KAT6A: variants seen among roughly 807,000 people sequenced by gnomAD.
KAT6A encodes histone acetyltransferase KAT6A.
A neutral mutation model predicts 198.4 loss-of-function variants in KAT6A; 9 were observed. The ratio of observed to expected loss-of-function variants is 0.05; its 90% CI spans 0.03 to 0.08. The LOEUF is 0.08. Among genes scored for constraint, KAT6A ranks in the 10% least tolerant of loss-of-function variants. The pLI, the probability that KAT6A is intolerant of heterozygous loss-of-function variation, is 1.00. For missense variants in KAT6A, 2,077 were observed against 2,509.9 expected (o/e 0.83, Z 3.69); for synonymous variants, 890 against 883.0 (o/e 1.01, Z -0.14).
At chr8:42,010,492 G>A (rs930219899) in intron 2 of KAT6A, among the ~76,000 whole-genome samples, 5 of 152,150 alleles carry the variant, frequency 3.3e-5, no homozygotes, top group East Asian at 1.9e-4. Flanking sequence ...ATCTTGGGTT[G>A]CCTCAAAAAG....
rs1279818381 is a variant in KAT6A at position 41,933,898 on chromosome 8, C to T, written c.4322G>A (p.Gly1441Asp). Residue 1441 changes from glycine (G) to aspartate (D), a missense_variant, in exon 17 of 17, where the codon GGC becomes GAC. Gly to Asp is a moderately conservative substitution (Grantham distance 94, BLOSUM62 -1). Coordinates refer to ENST00000265713, the MANE Select transcript of KAT6A (RefSeq NM_006766.5). The surrounding 1 kb of genome is among the most constrained non-coding windows in gnomAD (Gnocchi z 6.2). ...LTQEESSEHE[G>D]AYQDCEETLA... ...AGTTTCCTCACAGTCCTGGTAGGCG[C>T]CCTCATGCTCACTGCTTTCTTCTTG... 6.2e-7 allele frequency: 1 copy of T among 1,614,020 alleles called. No individual in the cohort carries two copies. The highest frequency in any genetic ancestry group is 8.5e-7 in the Non-Finnish European group (1 of 1,180,038).
intron 8 of KAT6A, among the ~76,000 whole-genome samples, chr8:41,962,124 TTC>T (rs1308304349): frequency 6.6e-6 from 1 of 152,196 alleles, no homozygotes; most frequent in Admixed American, 6.5e-5. Flanking sequence ...TGGCCATTCC[TTC>T]TCAGTTTCTC....
At chr8:41,944,659 G>A (rs1446358620) in intron 12 of KAT6A, among the ~76,000 whole-genome samples, 1 of 152,144 alleles carries the variant, frequency 6.6e-6, no homozygotes, top group African/African-American at 2.4e-5. Flanking sequence ...ATTTGGAAAC[G>A]TATTACATTA....
intron 16 of KAT6A, among the ~76,000 whole-genome samples, chr8:41,936,663 A>G (rs184127859): frequency 6.6e-6 from 1 of 152,358 alleles, no homozygotes; most frequent in East Asian, 1.9e-4. Context: ...TATCTATACT[A>G]TAAAATTTAT....
chr8:42,006,778 C>T (rs534773959), intron 2 of KAT6A, among the ~76,000 whole-genome samples: 7 of 152,080 alleles, frequency 4.6e-5, no homozygotes, highest in African/African-American at 1.7e-4. Context: ...GGCGGATCAC[C>T]TGAGGTCAGG....
chr8:41,954,368 C>CA (rs1238266849), intron 9 of KAT6A, among the ~76,000 whole-genome samples: 1 of 152,174 alleles, frequency 6.6e-6, no homozygotes, highest in Non-Finnish European at 1.5e-5. Context: ...AATGTTACTA[C>CA]ATGGGTGAAA....
rs1802182193 is a variant in KAT6A, at chr8:42,045,460, G to A, written c.600+2918C>T. Among the ~76,000 whole-genome samples, 3 of 151,628 alleles carry A rather than the reference G, an allele frequency of 2.0e-5. No individual in the cohort carries two copies. The South Asian group carries it at 6.2e-4, about 31-fold the overall frequency. On this transcript the variant is annotated intron_variant, in intron 2 of 16. Transcript: ENST00000265713. ...GCCTGTAATCCCAGCTACATGGGAG[G>A]CTGAGAAGGAAGAATTGCTTGAACC...
chr8:42,042,915 T>C (rs1827735775), intron 2 of KAT6A, among the ~76,000 whole-genome samples: 1 of 152,214 alleles, frequency 6.6e-6, no homozygotes, highest in South Asian at 2.1e-4. Flanking sequence ...GTGAAAACTA[T>C]TCTTGAAAGG....
intron 2 of KAT6A, among the ~76,000 whole-genome samples, chr8:41,993,070 T>C (rs1483758864): frequency 1.3e-5 from 2 of 152,216 alleles, no homozygotes; most frequent in African/African-American, 2.4e-5. Context: ...TATGTCCCTG[T>C]ATATTCCCTG....
At chr8:42,010,831 A>G (rs936506467) in intron 2 of KAT6A, among the ~76,000 whole-genome samples, 1 of 152,164 alleles carries the variant, frequency 6.6e-6, no homozygotes. Flanking sequence ...TTGCTTCCCC[A>G]GGGTTTCCTA....
intron 2 of KAT6A, among the ~76,000 whole-genome samples, chr8:42,033,244 G>A (rs927363316): frequency 6.6e-6 from 1 of 152,090 alleles, no homozygotes; most frequent in Non-Finnish European, 1.5e-5. Flanking sequence ...TCCTGGCCCT[G>A]TGGAATAATT....
At chr8:41,966,716 A>G (rs989596927) in intron 8 of KAT6A, among the ~76,000 whole-genome samples, 2 of 152,122 alleles carry the variant, frequency 1.3e-5, no homozygotes, top group African/African-American at 4.8e-5. Flanking sequence ...ACTATGTTTC[A>G]TTGGTACTCT....
intron 2 of KAT6A, among the ~76,000 whole-genome samples, chr8:41,994,493 T>C (rs1340081778): frequency 6.6e-6 from 1 of 151,890 alleles, no homozygotes; most frequent in Non-Finnish European, 1.5e-5. Flanking sequence ...TCCTTCTATA[T>C]CTAGAATGTT....
In KAT6A at chr8:41,931,697, C is replaced by T. The variant is rs1821552797; in HGVS notation, c.*508G>A. 1 of 189,992 alleles carries T rather than the reference C, an allele frequency of 5.3e-6. No individual in the cohort carries two copies. Among genetic ancestry groups the T allele is most frequent in the African/African-American group, 2.3e-5 (1 of 42,852 alleles). The allele number at this position is 189,992 out of a possible 1,614,324, so 11.8% of individuals were successfully genotyped here. ...GAGCTTGGGTTGTTCTCCATGTCCCCATCCGAGTCTCCCCTAAGTGCCTCC... is the reference window on the plus strand; with the variant it reads ...GAGCTTGGGTTGTTCTCCATGTCCCTATCCGAGTCTCCCCTAAGTGCCTCC... On this transcript the variant is annotated 3_prime_UTR_variant, in exon 17 of 17. Transcript: ENST00000265713.
intron 2 of KAT6A, among the ~76,000 whole-genome samples, chr8:42,008,484 T>G (rs1327683481): frequency 6.6e-6 from 1 of 152,092 alleles, no homozygotes; most frequent in African/African-American, 2.4e-5. Flanking sequence ...ATTACAGGCG[T>G]GCACCACCAC....
At chr8:42,017,578 C>G (rs920766744) in intron 2 of KAT6A, among the ~76,000 whole-genome samples, 2 of 152,084 alleles carry the variant, frequency 1.3e-5, no homozygotes, top group African/African-American at 4.8e-5. Flanking sequence ...AATGAATTTG[C>G]AGACAGAAAT....
chr8:42,031,199 C>T (rs910340602), intron 2 of KAT6A, among the ~76,000 whole-genome samples: 2 of 152,124 alleles, frequency 1.3e-5, no homozygotes, highest in African/African-American at 4.8e-5. Context: ...TCACAGAATT[C>T]TCGTTTTTGT....
chr8:41,937,141 T>C, intron 16 of KAT6A, 115 bp downstream of exon 16: 1 of 748,686 alleles, frequency 1.3e-6, no homozygotes, highest in Non-Finnish European at 2.2e-6. Context: ...AACGTTCCTT[T>C]TCTTGCTTAG....
chr8:41,971,132 T>C (rs1400968098), intron 8 of KAT6A, among the ~76,000 whole-genome samples: 8 of 150,690 alleles, frequency 5.3e-5, no homozygotes, highest in Admixed American at 4.6e-4. Flanking sequence ...AAATGACGAG[T>C]TAATGGGTGC....
Sources: gnomAD v4.1 joint callset for allele counts (sites outside exome capture counted in the v4.1 genomes callset) on GRCh38, gnomAD v4.1.1 for gene constraint, Gnocchi (gnomAD v3.1) non-coding constraint, MANE v1.5 for transcripts, NCBI Gene and HGNC (gene_info 2026-07-23, HGNC 2026-07-21) for gene names.